ARR3: variants seen among roughly 807,000 people sequenced by gnomAD.
ARR3 encodes arrestin-C.
Under a neutral mutation model 35.4 loss-of-function variants are expected in ARR3, and 14 were observed. That is an observed-to-expected ratio of 0.40 (90% CI 0.26 to 0.62). The LOEUF is 0.62. ARR3 is among the 20% of genes least tolerant of loss of function. The probability of loss-of-function intolerance (pLI) is 0.46; values close to 1 mark genes in which losing one functional copy is unlikely to be tolerated. For missense variants in ARR3, 259 were observed against 303.8 expected (o/e 0.85, Z 1.10); for synonymous variants, 97 against 119.1 (o/e 0.81, Z 1.21).
At chrX:70,280,352 G>A (rs780993170) in intron 13 of ARR3, 74 bp downstream of exon 13, 2 of 1,073,074 alleles carry the variant, frequency 1.9e-6, no homozygotes. Flanking sequence ...TTTTCTCCCA[G>A]TTAGATTGAC....
intron 5 of ARR3, among the ~76,000 whole-genome samples, chrX:70,275,260 T>G (rs1205833281): frequency 8.9e-6 from 1 of 112,688 alleles, no homozygotes; most frequent in Non-Finnish European, 1.9e-5. Flanking sequence ...ACACGTAGTG[T>G]TGTCACATTT....
chrX:70,274,917 A>T (rs5980908), intron 5 of ARR3, among the ~76,000 whole-genome samples: 2,088 of 112,629 alleles, frequency 0.019, 43 homozygotes, highest in African/African-American at 0.064. Flanking sequence ...GAGGCCACAT[A>T]CAAACCATAG....
chrX:70,279,732 G>A (rs1185957023), intron 12 of ARR3, among the ~76,000 whole-genome samples: 3 of 112,095 alleles, frequency 2.7e-5, no homozygotes, highest in African/African-American at 9.8e-5. Context: ...GGTAGAATGA[G>A]CTAGATCTTG....
chrX:70,277,693 A>G, intron 9 of ARR3, 23 bp from the exon 10 acceptor site: 1 of 1,202,347 alleles, frequency 8.3e-7, no homozygotes, highest in Non-Finnish European at 1.1e-6. Context: ...CAGCCTTGAC[A>G]TGGGTCCCCG....
rs758686814 is a variant in ARR3, at chrX:70,278,034, T to TTA, written c.695-29_695-28dup. ...TGGGGTCTCAAGGATGACTGACTGA[T>TTA]TATAATCATGTGCTTTTCCTGGCTT... On this transcript the variant is annotated intron_variant, in intron 10 of 16. Coordinates refer to ENST00000307959, the MANE Select transcript of ARR3 (RefSeq NM_004312.3). 108 of 1,193,725 alleles carry TTA rather than the reference T, an allele frequency of 9.0e-5. No individual in the cohort carries two copies. The South Asian group carries it at 1.2e-3, about 14-fold the overall frequency.
rs3818862 is a variant in ARR3, at chrX:70,269,680, C to T, written c.27C>T (p.Ser9=). Residue 9 remains serine (S), a synonymous_variant, in exon 3 of 17, where the codon AGC becomes AGT. Coordinates refer to ENST00000307959, the MANE Select transcript of ARR3 (RefSeq NM_004312.3). MSKVFKKT[S]SNGKLSIYLG... ...CTCATAGGGTGTTTAAGAAGACCAG[C>T]TCCAATGGGAAGGTGAGAGAACCTG... 95,738 of 1,203,359 alleles carry T rather than the reference C, an allele frequency of 0.08. 4,057 individuals carry two copies. Among genetic ancestry groups the T allele is most frequent in the East Asian group, 0.35 (11,878 of 33,531 alleles).
intron 5 of ARR3, among the ~76,000 whole-genome samples, chrX:70,270,388 T>C (rs1313376785): frequency 8.9e-6 from 1 of 112,364 alleles, no homozygotes; most frequent in Non-Finnish European, 1.9e-5. Flanking sequence ...GGTGCCCCCT[T>C]ACCCAAATAA....
intron 2 of ARR3, 116 bp from the exon 3 acceptor site, chrX:70,269,546 C>T (rs2147637036): frequency 2.0e-6 from 2 of 1,018,134 alleles, no homozygotes; most frequent in East Asian, 6.5e-5. Context: ...TCCTATGCTC[C>T]TGGAGCCTCT....
chrX:70,279,208 C>G (rs1465563922), intron 12 of ARR3, among the ~76,000 whole-genome samples: 2 of 112,471 alleles, frequency 1.8e-5, no homozygotes, highest in African/African-American at 6.5e-5. Context: ...AATGATGCAA[C>G]AGGAATTAAT....
At chrX:70,270,240 A>G (rs1293700281) in intron 5 of ARR3, 96 bp downstream of exon 5, 10 of 931,017 alleles carry the variant, frequency 1.1e-5, no homozygotes, top group Admixed American at 9.3e-5. Context: ...AGTGGCAGGA[A>G]CTGCGAATGC....
chrX:70,280,135 G>A, intron 12 of ARR3, 60 bp from the exon 13 acceptor site: 2 of 1,052,576 alleles, frequency 1.9e-6, no homozygotes, highest in Non-Finnish European at 2.6e-6. Context: ...AAGAAACTGG[G>A]GACAGAATGA....
At chrX:70,280,847 C>T (rs760873162) in intron 15 of ARR3, 29 bp downstream of exon 15, 25 of 1,205,597 alleles carry the variant, frequency 2.1e-5, no homozygotes, top group Middle Eastern at 2.3e-4. Flanking sequence ...CTCACAGGGA[C>T]GGCTGTCCTG....
In ARR3 at chrX:70,269,839, A is replaced by G; in HGVS notation, c.40-4A>G. Reference sequence around the variant, plus strand: ...GAATAACATGGGAAGTTGTTCCACAACAGCTCTCCATCTACCTGGGGAAAC... The same window carrying G: ...GAATAACATGGGAAGTTGTTCCACAGCAGCTCTCCATCTACCTGGGGAAAC... On this transcript the variant is annotated splice_polypyrimidine_tract_variant and splice_region_variant and intron_variant, in intron 3 of 16. Transcript: ENST00000307959. 2 of 1,207,889 alleles carry G rather than the reference A, an allele frequency of 1.7e-6. No individual in the cohort carries two copies. The highest frequency in any genetic ancestry group is 2.2e-6 in the Non-Finnish European group (2 of 893,508).
rs1457266619 is a variant in ARR3, at chrX:70,278,543, T to G, written c.807T>G (p.Phe269Leu). The G allele has an allele frequency of 5.0e-6, 6 of 1,211,795 alleles. No homozygotes were observed. In the Admixed American group the frequency reaches 1.3e-4, roughly 26 times the overall value. Residue 269 changes from phenylalanine (F) to leucine (L), a missense_variant, in exon 12 of 17, where the codon TTT becomes TTG. Phe to Leu is a conservative substitution (Grantham distance 22). Coordinates refer to ENST00000307959, the MANE Select transcript of ARR3 (RefSeq NM_004312.3). ...CTAATTCCAGCTTCTCCCAGAGCTT[T>G]GCAGTAACCCCAATCCTGGCTGCCA... Reference protein sequence around the residue: ...VAANSSFSQSFAVTPILAASC... With the variant: ...VAANSSFSQSLAVTPILAASC...
chrX:70,277,875 C>T, intron 10 of ARR3, 75 bp downstream of exon 10: 1 of 998,943 alleles, frequency 1.0e-6, no homozygotes, highest in South Asian at 2.1e-5. Flanking sequence ...ATCTCACTTA[C>T]CTGTCTGCAT....
intron 5 of ARR3, among the ~76,000 whole-genome samples, chrX:70,271,477 G>A (rs971672403): frequency 8.9e-6 from 1 of 112,007 alleles, no homozygotes; most frequent in Non-Finnish European, 1.9e-5. Context: ...CCTATACTGT[G>A]GAGTGATAAA....
At chrX:70,281,536 G>A in intron 16 of ARR3, 140 bp from the exon 17 acceptor site, 1 of 514,678 alleles carries the variant, frequency 1.9e-6, no homozygotes, top group East Asian at 3.6e-5. Flanking sequence ...GGAAAAGTGG[G>A]GACACCAAGA....
At chrX:70,281,881 C>T (rs1213210791), downstream of ARR3, 3 of 620,247 alleles carry the variant, frequency 4.8e-6, no homozygotes, top group East Asian at 3.6e-5. Flanking sequence ...TGGAGGGTCA[C>T]GGAACTACTG....
intron 1 of ARR3, among the ~76,000 whole-genome samples, chrX:70,269,056 T>C (rs185539442): frequency 1.8e-5 from 2 of 112,365 alleles, no homozygotes; most frequent in East Asian, 5.6e-4. Flanking sequence ...CTCTCAGGGT[T>C]CTCAAGAGTT....
Sources: gnomAD v4.1 joint callset for allele counts (sites outside exome capture counted in the v4.1 genomes callset) on GRCh38, gnomAD v4.1.1 for gene constraint, MANE v1.5 for transcripts, NCBI Gene and HGNC (gene_info 2026-07-23, HGNC 2026-07-21) for gene names.